SSBP2: variants seen among roughly 807,000 people sequenced by gnomAD.
The protein encoded by SSBP2 is single stranded DNA binding protein 2.
SSBP2 carries 17 observed loss-of-function variants against 61.8 expected under a neutral mutation model. The observed-to-expected ratio is 0.28, with a 90% CI of 0.19 to 0.41. The LOEUF is 0.41. SSBP2 is among the 10% of genes least tolerant of loss of function. The probability of loss-of-function intolerance (pLI) is 1.00; values close to 1 mark genes in which losing one functional copy is unlikely to be tolerated. For synonymous variants in SSBP2, 139 were observed against 141.3 expected, an observed-to-expected ratio of 0.98 and a Z score of 0.12; for missense variants, 310 against 458.7, an observed-to-expected ratio of 0.68 and a Z score of 2.96.
chr5:81,746,597 T>C (rs752519573), intron 1 of SSBP2, among the ~76,000 whole-genome samples: 20 of 152,124 alleles, frequency 1.3e-4, no homozygotes, highest in Non-Finnish European at 2.8e-4. Context: ...ATCCCTTTTA[T>C]ATGAAGTGGC....
intron 11 of SSBP2, chr5:81,448,075 AT>A (rs1763518476): frequency 6.6e-6 from 1 of 152,008 alleles, no homozygotes; most frequent in Non-Finnish European, 1.5e-5. Flanking sequence ...TGTGGGAAAG[AT>A]TTCCCTTGTT....
chr5:81,560,264 C>T (rs932320797), intron 4 of SSBP2, among the ~76,000 whole-genome samples: 7 of 152,094 alleles, frequency 4.6e-5, no homozygotes, highest in Non-Finnish European at 7.4e-5. Flanking sequence ...TTTCACTGGT[C>T]TTAAAATATC....
At position 81,417,087 on chromosome 5, in the gene SSBP2, A is replaced by G. The variant is rs1277210122; in HGVS notation, c.*3417T>C. 1.3e-5 allele frequency: 2 copies of G among 151,442 alleles called. No individual in the cohort carries two copies. The highest frequency in any genetic ancestry group is 2.1e-4 in the South Asian group (1 of 4,764). 9.4% of individuals were successfully genotyped at this position (151,442 alleles called of 1,614,324 possible). A position where few individuals can be genotyped will look rare whatever the true frequency, so the allele number is the denominator to read the frequency against. On this transcript the variant is annotated 3_prime_UTR_variant, in exon 17 of 17. Transcript: ENST00000320672. ...ACCAGGTTGGCCAGGCTGGTCTTGAACTCCCGACCTCAGGTGATCTGCCCA... is the reference window on the plus strand; with the variant it reads ...ACCAGGTTGGCCAGGCTGGTCTTGAGCTCCCGACCTCAGGTGATCTGCCCA...
intron 4 of SSBP2, among the ~76,000 whole-genome samples, chr5:81,577,244 G>A (rs1372551591): frequency 2.0e-5 from 3 of 151,832 alleles, no homozygotes; most frequent in Non-Finnish European, 2.9e-5. Flanking sequence ...TGTACTGCTG[G>A]CAGTATTTTT....
At chr5:81,437,148 T>C (rs1762724014) in intron 15 of SSBP2, among the ~76,000 whole-genome samples, 1 of 151,284 alleles carries the variant, frequency 6.6e-6, no homozygotes, top group Non-Finnish European at 1.5e-5. Flanking sequence ...AGTAACATCT[T>C]AATGTGATTA....
chr5:81,734,970 C>CAA (rs11350574), intron 1 of SSBP2, among the ~76,000 whole-genome samples: 166 of 70,220 alleles, frequency 2.4e-3, no homozygotes, highest in Non-Finnish European at 2.8e-3. Flanking sequence ...GACTCCATCT[C>CAA]AAAAAAAAAA....
At chr5:81,707,297 G>A (rs1754462949) in intron 1 of SSBP2, among the ~76,000 whole-genome samples, 1 of 152,120 alleles carries the variant, frequency 6.6e-6, no homozygotes, top group Non-Finnish European at 1.5e-5. Context: ...TCGTACCTCA[G>A]AATGTGACCT....
chr5:81,553,544 C>A (rs1431460974), intron 4 of SSBP2, among the ~76,000 whole-genome samples: 1 of 152,100 alleles, frequency 6.6e-6, no homozygotes, highest in Non-Finnish European at 1.5e-5. Flanking sequence ...TTCCAGTAAT[C>A]ATATAAAAAC....
chr5:81,643,426 T>C lies in SSBP2; in HGVS notation c.136-6808A>G, dbSNP rs7723702. On this transcript the variant is annotated intron_variant, in intron 2 of 16. Transcript: ENST00000320672. ...TCCTGTGTTAAGAAAATAACCTGTA[T>C]ACCTATGTGTAAGTTTCTTTCTAGA... Among the ~76,000 whole-genome samples, 783 of 152,268 alleles carry C rather than the reference T, an allele frequency of 5.1e-3. 10 individuals carry two copies. The highest frequency in any genetic ancestry group is 0.018 in the African/African-American group (758 of 41,560).
intron 2 of SSBP2, among the ~76,000 whole-genome samples, chr5:81,640,500 C>T (rs562695347): frequency 1.3e-5 from 2 of 152,086 alleles, no homozygotes; most frequent in Non-Finnish European, 2.9e-5. Flanking sequence ...TTTTAATTAT[C>T]CTAAGTGGTA....
chr5:81,595,084 A>G (rs930464432), intron 4 of SSBP2, among the ~76,000 whole-genome samples: 7 of 152,230 alleles, frequency 4.6e-5, no homozygotes, highest in Non-Finnish European at 8.8e-5. Context: ...AACAAAATTT[A>G]TAGACCACTA....
chr5:81,647,091 T>C (rs1034603276), intron 2 of SSBP2, among the ~76,000 whole-genome samples: 3 of 152,186 alleles, frequency 2.0e-5, no homozygotes, highest in African/African-American at 7.2e-5. Context: ...CAGGCTTCCA[T>C]CTTTTAAGTT....
At chr5:81,467,728 C>A (rs1764987856) in intron 8 of SSBP2, among the ~76,000 whole-genome samples, 1 of 151,930 alleles carries the variant, frequency 6.6e-6, no homozygotes, top group African/African-American at 2.4e-5. Flanking sequence ...AATTTTATCA[C>A]TATTATCTTA....
At chr5:81,652,813 C>A (rs534994401) in intron 1 of SSBP2, among the ~76,000 whole-genome samples, 3 of 151,578 alleles carry the variant, frequency 2.0e-5, no homozygotes, top group South Asian at 4.2e-4. Context: ...TGAGTAAGTT[C>A]TTTAGTGGTG....
At chr5:81,712,797 A>G (rs1277784282) in intron 1 of SSBP2, among the ~76,000 whole-genome samples, 4 of 151,324 alleles carry the variant, frequency 2.6e-5, no homozygotes, top group Non-Finnish European at 5.9e-5. Flanking sequence ...CAGTGGTGCA[A>G]TCATGGCTCA....
intron 12 of SSBP2, among the ~76,000 whole-genome samples, chr5:81,443,905 C>A (rs1763201586): frequency 6.6e-6 from 1 of 152,152 alleles, no homozygotes; most frequent in African/African-American, 2.4e-5. Flanking sequence ...AATTTTTGTA[C>A]TGATTTGAGA....
chr5:81,633,613 C>T (rs1747936886), intron 3 of SSBP2, among the ~76,000 whole-genome samples: 1 of 152,028 alleles, frequency 6.6e-6, no homozygotes. Flanking sequence ...TCAAGTGATC[C>T]TCCCACCTCA....
At chr5:81,451,294 T>A (rs1211660228) in intron 10 of SSBP2, among the ~76,000 whole-genome samples, 2 of 152,182 alleles carry the variant, frequency 1.3e-5, no homozygotes, top group Non-Finnish European at 2.9e-5. Flanking sequence ...AACATTCTAT[T>A]ATTTATAGAT....
chr5:81,462,926 AAATAG>A (rs1264500050), intron 9 of SSBP2, among the ~76,000 whole-genome samples: 3 of 152,118 alleles, frequency 2.0e-5, no homozygotes, highest in African/African-American at 4.8e-5. Flanking sequence ...TAAGATGCAT[AAATAG>A]AATAAACTAT....
Sources: allele counts gnomAD v4.1 joint callset (sites outside exome capture counted in the v4.1 genomes callset), GRCh38; gene constraint gnomAD v4.1.1; transcripts MANE v1.5; gene names NCBI Gene and HGNC (gene_info 2026-07-23, HGNC 2026-07-21).